The following FAM186A variants were observed in gnomAD, a reference collection of about 807,000 sequenced individuals.
FAM186A encodes the protein family with sequence similarity 186 member A.
In FAM186A, 163 loss-of-function variants were observed where a neutral mutation model predicts 216.8. The observed-to-expected ratio is 0.75, with a 90% CI of 0.66 to 0.86. The LOEUF (loss-of-function observed/expected upper bound fraction) is 0.86. Ranked by LOEUF, FAM186A falls within the 40% of genes least tolerant of loss-of-function variation. The probability of loss-of-function intolerance (pLI) is 0.00; values close to 1 mark genes in which losing one functional copy is unlikely to be tolerated. For synonymous variants in FAM186A, 805 were observed against 1,025.3 expected, an observed-to-expected ratio of 0.79 and a Z score of 4.10; for missense variants, 2,184 against 2,746.2, an observed-to-expected ratio of 0.80 and a Z score of 4.58.
Position 50,351,393 on chromosome 12 carries a change from G to A in FAM186A, c.5439C>T (p.Phe1813=). 6.8e-7 allele frequency: 1 copy of A among 1,469,974 alleles called. No individual in the cohort carries two copies. The highest frequency in any genetic ancestry group is 2.7e-5 in the Admixed American group (1 of 36,468). 91.1% of individuals were successfully genotyped at this position (1,469,974 alleles called of 1,614,324 possible). The change falls in exon 4 of 8, where the codon TTC becomes TTT. Residue 1813 remains phenylalanine (F), a synonymous_variant. Transcript: ENST00000327337. ...VYGGQSTSAQ[F]PAPQAPPSPG... ...GGGAGGGAGGGGCCTGTGGTGCCGGGAACTGCGCAGAAGTGGATTGACCTC... is the reference window on the plus strand; with the variant it reads ...GGGAGGGAGGGGCCTGTGGTGCCGGAAACTGCGCAGAAGTGGATTGACCTC...
chr12:50,367,706 CACACACAA>C (rs1024112142), intron 1 of FAM186A, among the ~76,000 whole-genome samples: 5 of 151,614 alleles, frequency 3.3e-5, no homozygotes, highest in African/African-American at 1.2e-4. Context: ...CACACACACA[CACACACAA>C]ACACACTATT....
intron 1 of FAM186A, among the ~76,000 whole-genome samples, chr12:50,389,455 G>A (rs906055426): frequency 1.5e-4 from 23 of 152,128 alleles, no homozygotes; most frequent in African/African-American, 4.8e-4. Flanking sequence ...AGCTGAGATC[G>A]CGACATTGCA....
At chr12:50,342,543 C>G (rs1277110808) in intron 4 of FAM186A, among the ~76,000 whole-genome samples, 1 of 147,936 alleles carries the variant, frequency 6.8e-6, no homozygotes, top group Non-Finnish European at 1.5e-5. Flanking sequence ...GGCATGATCT[C>G]GGCTCACTGC....
rs1491450637 is a variant in FAM186A, at chr12:50,372,994, G to GGAAGGAAGGAAA, written c.193-9631_193-9630insTTTCCTTCCTTC. Among the ~76,000 whole-genome samples, 202 of 59,476 alleles carry GGAAGGAAGGAAA rather than the reference G, an allele frequency of 3.4e-3. 15 individuals are homozygous for GGAAGGAAGGAAA. The highest frequency in any genetic ancestry group is 7.5e-3 in the Middle Eastern group (1 of 134). 39.0% of individuals were successfully genotyped at this position (59,476 alleles called of 152,430 possible). The stretch of plus-strand genomic sequence containing the variant: ...AGGGACGGAGGGAGGAAGGAAGGAA[G>GGAAGGAAGGAAA]GAATGAAAGAAAGAAAGAAAGAAAG... On this transcript the variant is annotated intron_variant, in intron 1 of 7. Coordinates refer to ENST00000327337, the MANE Select transcript of FAM186A (RefSeq NM_001145475.3).
chr12:50,343,632 T>C (rs1942784932), intron 4 of FAM186A, among the ~76,000 whole-genome samples: 2 of 152,030 alleles, frequency 1.3e-5, no homozygotes, highest in South Asian at 2.1e-4. Flanking sequence ...TTCTTTTTTT[T>C]CTTTGAGACG....
At position 50,354,809 on chromosome 12, in the gene FAM186A, C is replaced by T. The variant is rs1261638093; in HGVS notation, c.2023G>A (p.Ala675Thr). 4 of 1,535,406 alleles carry T rather than the reference C, an allele frequency of 2.6e-6. No individual in the cohort carries two copies. Among genetic ancestry groups the T allele is most frequent in the Non-Finnish European group, 3.5e-6 (4 of 1,143,218 alleles). ...EQSNLEEFQE[A>T]IMAFLKQKID... ...TTCTGTTTTAGGAAAGCCATTATGG[C>T]TTCCTGAAATTCTTCGAGGTTACTC... The change falls in exon 4 of 8, where the codon GCC (alanine) becomes ACC (threonine). Residue 675 changes from alanine to threonine, a missense_variant. By Grantham distance (58) the Ala-to-Thr change is moderately conservative. This residue lies in a region of FAM186A where 1,132 missense variants were observed against 1,263.4 expected (regional missense o/e 0.90). Transcript: ENST00000327337.
intron 4 of FAM186A, among the ~76,000 whole-genome samples, chr12:50,346,880 C>G (rs759941691): frequency 2.0e-5 from 3 of 150,676 alleles, no homozygotes; most frequent in African/African-American, 7.3e-5. Flanking sequence ...AATAAACATA[C>G]AAAAATCAAA....
At chr12:50,342,393 T>C (rs1296886764) in intron 4 of FAM186A, among the ~76,000 whole-genome samples, 4 of 151,862 alleles carry the variant, frequency 2.6e-5, no homozygotes, top group Non-Finnish European at 5.9e-5. Flanking sequence ...AGGAATGCAA[T>C]GATGGTTTAA....
chr12:50,383,539 T>TGAGCCAA (rs1395026194), intron 1 of FAM186A, among the ~76,000 whole-genome samples: 11 of 151,876 alleles, frequency 7.2e-5, no homozygotes, highest in African/African-American at 2.4e-4. Flanking sequence ...GAAGTTGCAG[T>TGAGCCAA]GAGCCAAGAT....
chr12:50,396,149 G>A (rs1371515546), intron 1 of FAM186A, 144 bp downstream of exon 1: 3 of 655,116 alleles, frequency 4.6e-6, no homozygotes, highest in Admixed American at 6.9e-5. Flanking sequence ...GTCGGTGTCA[G>A]GTGAAATTGT....
Position 50,353,617 on chromosome 12 carries a change from C to T in FAM186A, c.3215G>A (p.Cys1072Tyr), listed in dbSNP as rs1274461049. 1.1e-5 allele frequency: 17 copies of T among 1,530,992 alleles called. No homozygotes were observed. Among genetic ancestry groups the T allele is most frequent in the Non-Finnish European group, 1.4e-5 (16 of 1,138,710 alleles). The allele number at this position is 1,530,992 out of a possible 1,614,324, so 94.8% of individuals were successfully genotyped here. Residue 1072 changes from cysteine to tyrosine, a missense_variant, in exon 4 of 8, where the codon TGC (cysteine) becomes TAC (tyrosine). This residue lies in a region of FAM186A where 1,132 missense variants were observed against 1,263.4 expected (regional missense o/e 0.90). Coordinates refer to ENST00000327337, the MANE Select transcript of FAM186A (RefSeq NM_001145475.3). ...GGCCTGCTGAGGTGTGAGATGAATG[C>T]ATTTAGTGAGAGGCTGGCCAGAAAT... ...LPISGQPLTKCIHLTPQQAQE... is the reference protein window; with the variant it reads ...LPISGQPLTKYIHLTPQQAQE...
chr12:50,333,984 C>T lies in FAM186A; in HGVS notation c.6623G>A (p.Trp2208Ter). The change falls in exon 5 of 8, where the codon TGG (tryptophan) becomes TAG (stop). Residue 2208 changes from tryptophan (W) to a stop codon, truncating the protein, a stop_gained. Coordinates refer to ENST00000327337, the MANE Select transcript of FAM186A (RefSeq NM_001145475.3). LOFTEE classifies it high-confidence loss of function. ...DDYGKKVMQVWTEKQKSLGQK... is the reference protein window; with the variant it reads ...DDYGKKVMQV ...CCCTAGAGACTTCTGCTTCTCAGTCCAGACCTGCATCACCTTTTTCCCGTA... is the reference window on the plus strand; with the variant it reads ...CCCTAGAGACTTCTGCTTCTCAGTCTAGACCTGCATCACCTTTTTCCCGTA... The T allele has an allele frequency of 6.4e-7, 1 of 1,551,678 alleles. No homozygotes were observed. Among genetic ancestry groups the T allele is most frequent in the Non-Finnish European group, 8.7e-7 (1 of 1,147,000 alleles).
rs913280609 is a variant in FAM186A at position 50,363,290 on chromosome 12, G to GT, written c.266dup (p.Asn89LysfsTer5). ...GGGAGACATTCCTTTCAGAGGACGA[G>GT]TTAAAAACAAGAGTATAGCGAGTCA... is the stretch of plus-strand genomic sequence containing the variant. On this transcript the variant is annotated frameshift_variant, in exon 2 of 8. Coordinates refer to ENST00000327337, the MANE Select transcript of FAM186A (RefSeq NM_001145475.3). LOFTEE classifies it high-confidence loss of function. 1.3e-6 allele frequency: 2 copies of GT among 1,551,506 alleles called. No homozygotes were observed. The highest frequency in any genetic ancestry group is 2.4e-5 in the East Asian group (1 of 40,898).
intron 4 of FAM186A, among the ~76,000 whole-genome samples, chr12:50,346,160 A>G (rs1336703071): frequency 6.9e-6 from 1 of 144,674 alleles, no homozygotes; most frequent in African/African-American, 2.6e-5. Context: ...ACAAAGCCAG[A>G]CCCCGCCAAA....
chr12:50,374,973 T>C (rs947342855), intron 1 of FAM186A, among the ~76,000 whole-genome samples: 1 of 152,018 alleles, frequency 6.6e-6, no homozygotes, highest in Admixed American at 6.6e-5. Flanking sequence ...AGTACAGAAG[T>C]TCAGGACCAG....
chr12:50,353,017 G>C lies in FAM186A; in HGVS notation c.3815C>G (p.Ala1272Gly). 1 of 1,537,868 alleles carries C rather than the reference G, an allele frequency of 6.5e-7. No homozygotes were observed. The highest frequency in any genetic ancestry group is 1.2e-5 in the South Asian group (1 of 83,490). ...GGTGAGAGTGATCCCCAGGGCCTGG[G>C]CCTGCTGAGGAGTAAGAGGGATCCC... is the stretch of plus-strand genomic sequence containing the variant. ...ELGIPLTPQQ[A>G]QALGITLTPK... Residue 1272 changes from alanine (A) to glycine (G), a missense_variant, in exon 4 of 8, where the codon GCC (alanine) becomes GGC (glycine). By Grantham distance (60) the Ala-to-Gly change is moderately conservative. Transcript: ENST00000327337.
At chr12:50,340,267 C>T (rs527416811) in intron 4 of FAM186A, among the ~76,000 whole-genome samples, 2 of 152,292 alleles carry the variant, frequency 1.3e-5, no homozygotes, top group Admixed American at 6.5e-5. Context: ...GTACTTTCCA[C>T]ATCATACGAT....
intron 1 of FAM186A, among the ~76,000 whole-genome samples, chr12:50,385,467 GA>G (rs1448120911): frequency 6.6e-6 from 1 of 150,984 alleles, no homozygotes; most frequent in Non-Finnish European, 1.5e-5. Context: ...GGAAACAGGG[GA>G]AAAGTTCCAT....
chr12:50,381,669 A>G (rs183359838), intron 1 of FAM186A, among the ~76,000 whole-genome samples: 1 of 152,232 alleles, frequency 6.6e-6, no homozygotes, highest in Non-Finnish European at 1.5e-5. Flanking sequence ...CTTTAAGTCA[A>G]AAACTAATAG....
Sources: allele counts gnomAD v4.1 joint callset (sites outside exome capture counted in the v4.1 genomes callset), GRCh38; gene constraint gnomAD v4.1.1; regional missense constraint gnomAD v4.1.1; transcripts MANE v1.5; gene names NCBI Gene and HGNC (gene_info 2026-07-23, HGNC 2026-07-21).